The following GALNTL6 variants were observed in gnomAD, a reference collection of about 807,000 sequenced individuals.
GALNTL6 encodes the protein polypeptide N-acetylgalactosaminyltransferase like 6, also known as polypeptide N-acetylgalactosaminyltransferase-like 6.
A neutral mutation model predicts 73.7 loss-of-function variants in GALNTL6; 46 were observed. That is an observed-to-expected ratio of 0.62 (90% CI 0.49 to 0.80). The LOEUF is 0.80. Among genes scored for constraint, GALNTL6 ranks in the 30% least tolerant of loss-of-function variants. The probability of loss-of-function intolerance (pLI) is 0.00; values close to 1 mark genes in which losing one functional copy is unlikely to be tolerated. For missense variants in GALNTL6, 604 were observed against 755.0 expected (o/e 0.80, Z 2.34); for synonymous variants, 259 against 263.7 (o/e 0.98, Z 0.17).
At chr4:172,582,050 C>T (rs1737211117) in intron 5 of GALNTL6, among the ~76,000 whole-genome samples, 2 of 152,166 alleles carry the variant, frequency 1.3e-5, no homozygotes, top group South Asian at 4.1e-4. Flanking sequence ...GGTTTGGTAA[C>T]ATTTTTCTTA....
chr4:172,429,335 C>A (rs1731356387), intron 5 of GALNTL6, among the ~76,000 whole-genome samples: 1 of 151,948 alleles, frequency 6.6e-6, no homozygotes, highest in Non-Finnish European at 1.5e-5. Flanking sequence ...CCTCAGCCTC[C>A]AGAGTAGCTG....
intron 3 of GALNTL6, among the ~76,000 whole-genome samples, chr4:172,245,117 A>G (rs1331614300): frequency 6.6e-6 from 1 of 152,190 alleles, no homozygotes; most frequent in African/African-American, 2.4e-5. Flanking sequence ...GTACACTAAG[A>G]TTAAATTGAT....
chr4:172,206,948 G>A, intron 2 of GALNTL6, among the ~76,000 whole-genome samples: 1 of 151,414 alleles, frequency 6.6e-6, no homozygotes. Context: ...CTCCCGAGTA[G>A]CTGGGACTAC....
intron 2 of GALNTL6, among the ~76,000 whole-genome samples, chr4:171,852,025 T>G (rs1290668224): frequency 6.6e-6 from 1 of 152,114 alleles, no homozygotes; most frequent in Non-Finnish European, 1.5e-5. Flanking sequence ...AAAATCAGAG[T>G]CTCATATTGA....
chr4:172,365,487 C>T (rs188584926), intron 5 of GALNTL6, among the ~76,000 whole-genome samples: 95 of 152,140 alleles, frequency 6.2e-4, no homozygotes, highest in African/African-American at 2.1e-3. Flanking sequence ...TGGCGATGCT[C>T]CTGCTCTGTC....
At chr4:172,132,186 A>C (rs1239306010) in intron 2 of GALNTL6, among the ~76,000 whole-genome samples, 1 of 152,086 alleles carries the variant, frequency 6.6e-6, no homozygotes, top group Admixed American at 6.5e-5. Flanking sequence ...ATTTTGAGCT[A>C]TCCAGGATTT....
intron 5 of GALNTL6, among the ~76,000 whole-genome samples, chr4:172,703,730 T>G (rs1049748815): frequency 6.6e-6 from 1 of 152,144 alleles, no homozygotes; most frequent in African/African-American, 2.4e-5. Flanking sequence ...GAGAACTCCC[T>G]CCCACGTAAA....
intron 4 of GALNTL6, among the ~76,000 whole-genome samples, chr4:172,338,487 T>TG (rs1476820837): frequency 6.6e-6 from 1 of 152,228 alleles, no homozygotes; most frequent in Non-Finnish European, 1.5e-5. Flanking sequence ...ACCCCCTTCC[T>TG]GGGGGGTATG....
At chr4:172,486,544 A>G (rs1733676889) in intron 5 of GALNTL6, among the ~76,000 whole-genome samples, 1 of 152,202 alleles carries the variant, frequency 6.6e-6, no homozygotes, top group Admixed American at 6.5e-5. Context: ...ATGTTCATAA[A>G]TGCCAGTCTC....
At chr4:172,565,482 C>A (rs2110935695) in intron 5 of GALNTL6, among the ~76,000 whole-genome samples, 1 of 152,238 alleles carries the variant, frequency 6.6e-6, no homozygotes, top group Middle Eastern at 3.4e-3. Context: ...TCTTCATGTG[C>A]AGTAGAATTT....
intron 5 of GALNTL6, among the ~76,000 whole-genome samples, chr4:172,395,029 T>A (rs890003677): frequency 6.6e-6 from 1 of 152,202 alleles, no homozygotes; most frequent in African/African-American, 2.4e-5. Flanking sequence ...GTTTTTAGTC[T>A]GTGTTATCAG....
intron 5 of GALNTL6, among the ~76,000 whole-genome samples, chr4:172,432,173 TCA>T (rs1038094271): frequency 4.0e-5 from 6 of 151,882 alleles, no homozygotes; most frequent in Admixed American, 1.3e-4. Flanking sequence ...TGAGTTTAAA[TCA>T]CACAGTGTTG....
intron 5 of GALNTL6, among the ~76,000 whole-genome samples, chr4:172,351,181 GT>G (rs1741926474): frequency 1.6e-4 from 20 of 122,606 alleles, no homozygotes; most frequent in African/African-American, 5.8e-4. Context: ...ACAATAATCT[GT>G]CTATCTATCT....
chr4:172,205,726 T>A (rs1736090135), intron 2 of GALNTL6, among the ~76,000 whole-genome samples: 1 of 152,252 alleles, frequency 6.6e-6, no homozygotes. Context: ...AATCTCTTCC[T>A]ATTTCCAGTC....
chr4:172,891,261 A>G (rs901253842), intron 8 of GALNTL6, among the ~76,000 whole-genome samples: 5 of 152,022 alleles, frequency 3.3e-5, no homozygotes, highest in African/African-American at 1.2e-4. Context: ...TATAGGGTCT[A>G]TAGACTACAT....
At chr4:172,349,698 G>A (rs1331137570) in intron 5 of GALNTL6, among the ~76,000 whole-genome samples, 1 of 151,846 alleles carries the variant, frequency 6.6e-6, no homozygotes, top group Non-Finnish European at 1.5e-5. Flanking sequence ...TATATATACT[G>A]GGACTTACAT....
At chr4:172,479,692 C>G (rs559578608) in intron 5 of GALNTL6, among the ~76,000 whole-genome samples, 3 of 152,286 alleles carry the variant, frequency 2.0e-5, no homozygotes, top group Admixed American at 1.3e-4. Context: ...CACTTGAACC[C>G]CAAAAGCTAT....
intron 5 of GALNTL6, among the ~76,000 whole-genome samples, chr4:172,621,976 A>T (rs1206046135): frequency 6.6e-6 from 1 of 152,104 alleles, no homozygotes; most frequent in Non-Finnish European, 1.5e-5. Context: ...TGTGTTATCC[A>T]GGGTCCCACT....
intron 2 of GALNTL6, among the ~76,000 whole-genome samples, chr4:172,129,771 C>T (rs1733403894): frequency 6.6e-6 from 1 of 152,092 alleles, no homozygotes; most frequent in Non-Finnish European, 1.5e-5. Flanking sequence ...TGTCTTTAGT[C>T]TCAAATAAAG....
Sources: gnomAD v4.1 joint callset for allele counts (sites outside exome capture counted in the v4.1 genomes callset) on GRCh38, gnomAD v4.1.1 for gene constraint, MANE v1.5 for transcripts, NCBI Gene and HGNC (gene_info 2026-07-23, HGNC 2026-07-21) for gene names.